TNS3: variants seen among roughly 807,000 people sequenced by gnomAD.
TNS3 encodes tensin 3.
A neutral mutation model predicts 140.9 loss-of-function variants in TNS3; 45 were observed. The observed-to-expected ratio is 0.32, with a 90% CI of 0.25 to 0.41. TNS3 has a LOEUF of 0.41. Ranked by LOEUF, TNS3 falls within the 10% of genes least tolerant of loss-of-function variation. TNS3 has a pLI of 1.00. For missense variants in TNS3, 1,716 were observed against 1,906.7 expected (o/e 0.90, Z 1.86); for synonymous variants, 815 against 788.4 (o/e 1.03, Z -0.56).
At chr7:47,495,257 A>T (rs1314335550) in intron 3 of TNS3, among the ~76,000 whole-genome samples, 2 of 151,652 alleles carry the variant, frequency 1.3e-5, no homozygotes, top group Non-Finnish European at 2.9e-5. Flanking sequence ...TCTCAATGAG[A>T]GGCATGAAGG....
Position 47,407,356 on chromosome 7 carries a change from C to T in TNS3, c.723+4371G>A. Among the ~76,000 whole-genome samples, 1 of 152,158 alleles carries T rather than the reference C, an allele frequency of 6.6e-6. No individual in the cohort carries two copies. Among genetic ancestry groups the T allele is most frequent in the Non-Finnish European group, 1.5e-5 (1 of 68,038 alleles). On this transcript the variant is annotated intron_variant, in intron 13 of 30. Transcript: ENST00000311160. The surrounding 1 kb of genome is among the most constrained non-coding windows in gnomAD (Gnocchi z 4.1). Reference sequence around the variant, plus strand: ...TTCTGCCATGCTCAGTTCCACCTGCCCTAGCTATCTGCATGCTCATCTCCC... The same window carrying T: ...TTCTGCCATGCTCAGTTCCACCTGCTCTAGCTATCTGCATGCTCATCTCCC...
chr7:47,359,239 T>G (rs1283009389), intron 17 of TNS3, among the ~76,000 whole-genome samples: 1 of 152,174 alleles, frequency 6.6e-6, no homozygotes, highest in Non-Finnish European at 1.5e-5. Context: ...CCACATGGGC[T>G]GTAACACGTC....
chr7:47,304,568 C>G (rs1786631410), intron 21 of TNS3, among the ~76,000 whole-genome samples: 1 of 147,960 alleles, frequency 6.8e-6, no homozygotes, highest in Non-Finnish European at 1.5e-5. Flanking sequence ...TTTCTGTAAA[C>G]CAGAAGCCCT....
intron 20 of TNS3, among the ~76,000 whole-genome samples, chr7:47,320,258 C>T (rs1216929386): frequency 6.6e-6 from 1 of 152,172 alleles, no homozygotes; most frequent in Admixed American, 6.5e-5. Flanking sequence ...CTCACCTGCA[C>T]CTGGAGGGAA....
intron 1 of TNS3, among the ~76,000 whole-genome samples, chr7:47,534,274 CA>C (rs1326569796): frequency 6.6e-6 from 1 of 150,444 alleles, no homozygotes; most frequent in African/African-American, 2.4e-5. Context: ...GACTCCATCT[CA>C]AAAAAAAGAA....
chr7:47,428,484 G>T, intron 8 of TNS3, 108 bp from the exon 9 acceptor site: 1 of 798,342 alleles, frequency 1.3e-6, no homozygotes, highest in South Asian at 4.4e-5. Context: ...AGCCTGCTTT[G>T]GTGGTAAGGC....
intron 3 of TNS3, among the ~76,000 whole-genome samples, chr7:47,499,547 G>A (rs1168003102): frequency 6.6e-6 from 1 of 152,140 alleles, no homozygotes; most frequent in Non-Finnish European, 1.5e-5. Flanking sequence ...GAAAAGAAAT[G>A]AGCTATCAAG....
intron 1 of TNS3, among the ~76,000 whole-genome samples, chr7:47,571,666 G>A (rs1220727718): frequency 6.6e-6 from 1 of 152,230 alleles, no homozygotes; most frequent in African/African-American, 2.4e-5. Flanking sequence ...AGCTCATCTT[G>A]GCATTGAAAA....
Position 47,368,503 on chromosome 7 carries a change from G to A in TNS3, c.2143C>T (p.Pro715Ser), listed in dbSNP as rs1380789569. ...LILELDPTFE[P>S]IPTHMNALGS... Reference sequence around the variant, plus strand: ...AGGGCGTTCATGTGGGTAGGGATGGGCTCGAAGGTGGGATCCAGCTCCAGG... The same window carrying A: ...AGGGCGTTCATGTGGGTAGGGATGGACTCGAAGGTGGGATCCAGCTCCAGG... The change falls in exon 17 of 31, where the codon CCC (proline) becomes TCC (serine). Residue 715 changes from proline (P) to serine (S), a missense_variant. Physicochemically the swap from Pro to Ser is moderately conservative, Grantham distance 74. Coordinates refer to ENST00000311160, the MANE Select transcript of TNS3 (RefSeq NM_022748.12). The A allele has an allele frequency of 8.2e-6, 13 of 1,593,394 alleles. No homozygotes were observed. Among genetic ancestry groups the A allele is most frequent in the Admixed American group, 5.1e-5 (3 of 59,120 alleles).
chr7:47,474,563 AAC>A (rs1049506290), intron 4 of TNS3, among the ~76,000 whole-genome samples: 2 of 149,940 alleles, frequency 1.3e-5, no homozygotes, highest in Non-Finnish European at 3.0e-5. Context: ...CACACAGCAC[AAC>A]ACACACACCT....
chr7:47,514,005 G>A (rs687280), intron 2 of TNS3, among the ~76,000 whole-genome samples: 2 of 152,218 alleles, frequency 1.3e-5, no homozygotes, highest in South Asian at 2.1e-4. Flanking sequence ...ACGTCTCCAC[G>A]AGCCTTGGGA....
intron 1 of TNS3, among the ~76,000 whole-genome samples, chr7:47,547,064 G>T (rs1354848375): frequency 6.6e-6 from 1 of 152,206 alleles, no homozygotes; most frequent in South Asian, 2.1e-4. Flanking sequence ...TACTGGCAGG[G>T]TTCATCTGTC....
chr7:47,325,371 C>T (rs1159670693), intron 20 of TNS3, among the ~76,000 whole-genome samples: 1 of 152,134 alleles, frequency 6.6e-6, no homozygotes, highest in Non-Finnish European at 1.5e-5. Flanking sequence ...TGACCCGGTA[C>T]CCACCTGCCT....
At chr7:47,385,235 G>A (rs1792006896) in intron 16 of TNS3, among the ~76,000 whole-genome samples, 1 of 152,212 alleles carries the variant, frequency 6.6e-6, no homozygotes, top group Non-Finnish European at 1.5e-5. Context: ...ATCAGCAGAA[G>A]GAGATTCACA....
chr7:47,320,345 C>T (rs150785586), intron 20 of TNS3, among the ~76,000 whole-genome samples: 11 of 152,308 alleles, frequency 7.2e-5, no homozygotes, highest in African/African-American at 2.6e-4. Flanking sequence ...TAGCACGAAC[C>T]TCATTCCTTT....
chr7:47,400,495 A>G lies in TNS3; in HGVS notation c.854-37T>C, dbSNP rs1376459455. 2.5e-6 allele frequency: 4 copies of G among 1,602,620 alleles called. No individual in the cohort carries two copies. In the African/African-American group the frequency reaches 5.4e-5, roughly 21 times the overall value. ...AATGTATTTTAACACATTTGTGGAG[A>G]CAATTAACCGGAAAAGTATGGACTG... On this transcript the variant is annotated intron_variant, in intron 14 of 30. Coordinates refer to ENST00000311160, the MANE Select transcript of TNS3 (RefSeq NM_022748.12).
chr7:47,382,095 T>C (rs1159421243), intron 16 of TNS3, among the ~76,000 whole-genome samples: 1 of 152,182 alleles, frequency 6.6e-6, no homozygotes, highest in African/African-American at 2.4e-5. Flanking sequence ...ATCAGACCAC[T>C]GCATCACAAA....
intron 20 of TNS3, among the ~76,000 whole-genome samples, chr7:47,334,905 C>T (rs551406400): frequency 2.2e-4 from 33 of 151,984 alleles, no homozygotes; most frequent in African/African-American, 2.7e-4. Context: ...CTGCGCCTGG[C>T]GAGAACCACG....
chr7:47,402,073 G>A (rs980424651), intron 13 of TNS3, among the ~76,000 whole-genome samples: 2 of 152,174 alleles, frequency 1.3e-5, no homozygotes, highest in African/African-American at 4.8e-5. Context: ...ACCAGCATGC[G>A]GGAGAATTCT....
Sources: gnomAD v4.1 joint callset for allele counts (sites outside exome capture counted in the v4.1 genomes callset) on GRCh38, gnomAD v4.1.1 for gene constraint, Gnocchi (gnomAD v3.1) non-coding constraint, MANE v1.5 for transcripts, NCBI Gene and HGNC (gene_info 2026-07-23, HGNC 2026-07-21) for gene names.